The following OSBPL1A variants were observed in gnomAD, a reference collection of about 807,000 sequenced individuals.
OSBPL1A encodes the protein oxysterol-binding protein-related protein 1.
In OSBPL1A, 80 loss-of-function variants were observed where a neutral mutation model predicts 137.1. The ratio of observed to expected loss-of-function variants is 0.58; its 90% CI spans 0.49 to 0.70. The LOEUF is 0.70. OSBPL1A is among the 30% of genes least tolerant of loss of function. OSBPL1A has a pLI of 0.00. For missense variants in OSBPL1A, 970 were observed against 1,129.4 expected, an observed-to-expected ratio of 0.86 and a Z score of 2.02; for synonymous variants, 365 against 389.7, an observed-to-expected ratio of 0.94 and a Z score of 0.75.
chr18:24,273,268 G>GT (rs2089764156), intron 15 of OSBPL1A, among the ~76,000 whole-genome samples: 1 of 152,166 alleles, frequency 6.6e-6, no homozygotes, highest in Admixed American at 6.5e-5. Flanking sequence ...AATAATAACT[G>GT]TTACTGTACT....
intron 1 of OSBPL1A, among the ~76,000 whole-genome samples, chr18:24,382,126 C>T (rs545927847): frequency 6.6e-6 from 1 of 151,396 alleles, no homozygotes; most frequent in Admixed American, 6.6e-5. Flanking sequence ...TGAGGCTGGG[C>T]GCAGTGGCTC....
intron 20 of OSBPL1A, 38 bp from the exon 21 acceptor site, chr18:24,178,233 C>T (rs779591994): frequency 1.4e-6 from 2 of 1,422,184 alleles, no homozygotes; most frequent in African/African-American, 1.5e-5. Context: ...AAAAAAAAAG[C>T]AACATTATAA....
chr18:24,272,255 CTTTTTT>C (rs1213099871), intron 15 of OSBPL1A: 149 of 948,538 alleles, frequency 1.6e-4, no homozygotes, highest in Non-Finnish European at 1.8e-4. Context: ...TTTCTTTTTT[CTTTTTT>C]TTTTTTTTTA....
intron 18 of OSBPL1A, among the ~76,000 whole-genome samples, chr18:24,194,088 C>A (rs1016807598): frequency 2.0e-5 from 3 of 152,164 alleles, no homozygotes; most frequent in Non-Finnish European, 2.9e-5. Context: ...ACAGCTGACA[C>A]CCAGTGAAAC....
chr18:24,165,297 T>C (rs974009984), intron 26 of OSBPL1A, 142 bp from the exon 27 acceptor site: 1 of 771,738 alleles, frequency 1.3e-6, no homozygotes, highest in African/African-American at 1.8e-5. Flanking sequence ...GAATCAAATA[T>C]CAAGCAAAAA....
At chr18:24,203,133 A>C (rs2087266985) in intron 17 of OSBPL1A, among the ~76,000 whole-genome samples, 1 of 152,092 alleles carries the variant, frequency 6.6e-6, no homozygotes, top group Non-Finnish European at 1.5e-5. Flanking sequence ...ATGCGCCACC[A>C]TGTCTGGCTC....
intron 18 of OSBPL1A, among the ~76,000 whole-genome samples, chr18:24,182,380 T>C (rs933022982): frequency 6.6e-6 from 1 of 152,212 alleles, no homozygotes; most frequent in Non-Finnish European, 1.5e-5. Context: ...ACCGGAATAT[T>C]CTGACAATCT....
chr18:24,345,934 A>G (rs1035456950), intron 4 of OSBPL1A, among the ~76,000 whole-genome samples: 1 of 152,108 alleles, frequency 6.6e-6, no homozygotes, highest in Non-Finnish European at 1.5e-5. Context: ...GAGCAATGCT[A>G]TTTGTTTTTG....
chr18:24,269,476 A>AT (rs2089662854), intron 15 of OSBPL1A, among the ~76,000 whole-genome samples: 2 of 152,172 alleles, frequency 1.3e-5, no homozygotes, highest in African/African-American at 4.8e-5. Context: ...GACTACATAG[A>AT]TTTTAGTCAT....
intron 7 of OSBPL1A, among the ~76,000 whole-genome samples, chr18:24,324,784 T>TC (rs2090940059): frequency 2.0e-5 from 2 of 101,060 alleles, no homozygotes; most frequent in East Asian, 3.1e-4. Context: ...ACTCTGTCTA[T>TC]TAAAAAAAAA....
chr18:24,392,454 C>T (rs765849788), intron 1 of OSBPL1A, among the ~76,000 whole-genome samples: 5 of 152,070 alleles, frequency 3.3e-5, no homozygotes, highest in Non-Finnish European at 7.4e-5. Flanking sequence ...CCACCACACC[C>T]GGCCCTATAC....
At chr18:24,176,909 T>C (rs1185549716) in intron 21 of OSBPL1A, among the ~76,000 whole-genome samples, 2 of 152,176 alleles carry the variant, frequency 1.3e-5, no homozygotes, top group African/African-American at 2.4e-5. Context: ...CCCTCCTCTT[T>C]GTGGTTTCCC....
chr18:24,365,523 G>A (rs190680578), intron 4 of OSBPL1A, among the ~76,000 whole-genome samples: 1 of 151,652 alleles, frequency 6.6e-6, no homozygotes, highest in African/African-American at 2.4e-5. Flanking sequence ...GACAGAAGTT[G>A]CAGTGAATCA....
chr18:24,340,972 A>G (rs1339943712), intron 5 of OSBPL1A, among the ~76,000 whole-genome samples: 2 of 152,138 alleles, frequency 1.3e-5, no homozygotes, highest in African/African-American at 2.4e-5. Context: ...GAGTATTTGA[A>G]AAACAGATAT....
chr18:24,289,418 G>GTTTTTTTTTT lies in OSBPL1A; in HGVS notation c.1175-8480_1175-8471dup, dbSNP rs536281272. On this transcript the variant is annotated intron_variant, in intron 14 of 27. Coordinates refer to ENST00000319481, the MANE Select transcript of OSBPL1A (RefSeq NM_080597.4). ...TCCAGACTGTTTATTGTTTTTTCCT[G>GTTTTTTTTTT]TTTTTTTTTTTTTTTTTTTTTGAGA... is the stretch of plus-strand genomic sequence containing the variant. Among the ~76,000 whole-genome samples, 10 of 94,202 alleles carry GTTTTTTTTTT rather than the reference G, an allele frequency of 1.1e-4. 1 individual carries two copies. The highest frequency in any genetic ancestry group is 2.7e-4 in the Admixed American group (2 of 7,540). 61.8% of individuals were successfully genotyped at this position (94,202 alleles called of 152,430 possible).
chr18:24,287,597 AC>A (rs1208384441), intron 14 of OSBPL1A, among the ~76,000 whole-genome samples: 3 of 152,040 alleles, frequency 2.0e-5, no homozygotes, highest in African/African-American at 7.2e-5. Flanking sequence ...ACATGGTGAA[AC>A]CCTGTCTCTA....
At chr18:24,243,152 T>A (rs275860) in intron 15 of OSBPL1A, among the ~76,000 whole-genome samples, 91,175 of 151,954 alleles carry the variant, frequency 0.6, 28,036 homozygotes, top group East Asian at 0.93. Flanking sequence ...GCTTGAACCC[T>A]GAGGTGGAGG....
In OSBPL1A at chr18:24,314,361, A is replaced by C; in HGVS notation, c.871-14T>G. 6.4e-7 allele frequency: 1 copy of C among 1,552,212 alleles called. No homozygotes were observed. ...AGTGGATTTTACCTTGGATATAAAG[A>C]AGTCAGTAAGACAACATTCATTCAC... On this transcript the variant is annotated splice_polypyrimidine_tract_variant and intron_variant, in intron 11 of 27. Coordinates refer to ENST00000319481, the MANE Select transcript of OSBPL1A (RefSeq NM_080597.4).
chr18:24,240,708 CT>C (rs1001920789), intron 15 of OSBPL1A, among the ~76,000 whole-genome samples: 2 of 151,856 alleles, frequency 1.3e-5, no homozygotes, highest in South Asian at 2.1e-4. Context: ...CTTCAAACTA[CT>C]TTTTTTTTCT....
Sources: gnomAD v4.1 joint callset for allele counts (sites outside exome capture counted in the v4.1 genomes callset) on GRCh38, gnomAD v4.1.1 for gene constraint, MANE v1.5 for transcripts, NCBI Gene and HGNC (gene_info 2026-07-23, HGNC 2026-07-21) for gene names.